The following ZNF804A variants were observed in gnomAD, a reference collection of about 807,000 sequenced individuals.
ZNF804A encodes the protein zinc finger protein 804A.
ZNF804A carries 2 observed loss-of-function variants against 16.5 expected under a neutral mutation model. The observed-to-expected ratio is 0.12, with a 90% CI of 0.05 to 0.38. ZNF804A has a LOEUF of 0.38. ZNF804A is among the 10% of genes least tolerant of loss of function. The probability of loss-of-function intolerance (pLI) is 0.99; values close to 1 mark genes in which losing one functional copy is unlikely to be tolerated. For missense variants in ZNF804A, 1,473 were observed against 1,390.7 expected (o/e 1.06, Z -0.94); for synonymous variants, 534 against 489.6 (o/e 1.09, Z -1.20).
chr2:184,656,856 A>G (rs1037596999), intron 1 of ZNF804A, among the ~76,000 whole-genome samples: 4 of 152,046 alleles, frequency 2.6e-5, no homozygotes, highest in African/African-American at 9.7e-5. Flanking sequence ...GAGCAGGGCC[A>G]TTAAGTTTAT....
At chr2:184,897,295 T>C (rs1212426226) in intron 2 of ZNF804A, among the ~76,000 whole-genome samples, 1 of 152,116 alleles carries the variant, frequency 6.6e-6, no homozygotes, top group Non-Finnish European at 1.5e-5. Context: ...CTGGACAAAG[T>C]AGTGTGTCAG....
chr2:184,768,084 C>T (rs973042747), intron 1 of ZNF804A, among the ~76,000 whole-genome samples: 7 of 151,792 alleles, frequency 4.6e-5, no homozygotes, highest in African/African-American at 1.7e-4. Context: ...TCAACCAACC[C>T]GGATCAAAAT....
At chr2:184,640,432 T>A (rs1210060290) in intron 1 of ZNF804A, among the ~76,000 whole-genome samples, 11 of 152,096 alleles carry the variant, frequency 7.2e-5, no homozygotes, top group Non-Finnish European at 1.3e-4. Context: ...AAACAAATAG[T>A]ACCAATCAAT....
intron 1 of ZNF804A, among the ~76,000 whole-genome samples, chr2:184,854,923 C>A (rs1695663600): frequency 6.6e-6 from 1 of 151,796 alleles, no homozygotes; most frequent in African/African-American, 2.4e-5. Flanking sequence ...ATGGTTGCAG[C>A]AATTTAAGAA....
intron 1 of ZNF804A, among the ~76,000 whole-genome samples, chr2:184,776,656 G>T (rs80084080): frequency 0.036 from 5,485 of 151,530 alleles, 315 homozygotes; most frequent in African/African-American, 0.12. Flanking sequence ...AATGTAATTA[G>T]TTCGCTTTTT....
At chr2:184,846,388 A>G (rs1292649572) in intron 1 of ZNF804A, among the ~76,000 whole-genome samples, 1 of 152,142 alleles carries the variant, frequency 6.6e-6, no homozygotes, top group Non-Finnish European at 1.5e-5. Context: ...CAATGCCTAT[A>G]CATATAAGAG....
chr2:184,770,232 T>C (rs183700671), intron 1 of ZNF804A, among the ~76,000 whole-genome samples: 2 of 152,028 alleles, frequency 1.3e-5, no homozygotes, highest in Admixed American at 6.6e-5. Flanking sequence ...TGTGTGTGAG[T>C]TTTGGTGCTC....
intron 1 of ZNF804A, among the ~76,000 whole-genome samples, chr2:184,700,028 C>T (rs748562610): frequency 6.6e-6 from 1 of 152,000 alleles, no homozygotes; most frequent in Admixed American, 6.6e-5. Flanking sequence ...CTTATTTATA[C>T]CACTAATGTG....
intron 2 of ZNF804A, among the ~76,000 whole-genome samples, chr2:184,908,391 C>A (rs1024948942): frequency 6.6e-5 from 10 of 152,028 alleles, no homozygotes; most frequent in Non-Finnish European, 2.9e-5. Flanking sequence ...TTATAAGGAC[C>A]CTTTGATTGA....
At chr2:184,912,250 T>C (rs1392287722) in intron 2 of ZNF804A, among the ~76,000 whole-genome samples, 1 of 152,102 alleles carries the variant, frequency 6.6e-6, no homozygotes, top group East Asian at 1.9e-4. Flanking sequence ...ATACAGTATA[T>C]GACCTTTTGT....
chr2:184,866,583 T>C, intron 2 of ZNF804A, 71 bp downstream of exon 2: 1 of 1,271,152 alleles, frequency 7.9e-7, no homozygotes, highest in African/African-American at 1.6e-5. Context: ...GTAGACTCTA[T>C]GAATATGATA....
chr2:184,879,336 T>G (rs889738497), intron 2 of ZNF804A, among the ~76,000 whole-genome samples: 1 of 152,048 alleles, frequency 6.6e-6, no homozygotes, highest in African/African-American at 2.4e-5. Context: ...TTTATTATGG[T>G]CACACTGTAG....
At chr2:184,896,696 G>A (rs6760373) in intron 2 of ZNF804A, among the ~76,000 whole-genome samples, 9,401 of 152,030 alleles carry the variant, frequency 0.062, 994 homozygotes, top group African/African-American at 0.21. Flanking sequence ...TTCTTTACAA[G>A]CAGTATATTT....
chr2:184,820,673 A>C (rs1276997518), intron 1 of ZNF804A, among the ~76,000 whole-genome samples: 1 of 151,922 alleles, frequency 6.6e-6, no homozygotes, highest in African/African-American at 2.4e-5. Context: ...AAATCCCATC[A>C]TTTCAGCCCA....
Position 184,831,244 on chromosome 2 carries a change from C to T in ZNF804A, c.112-35125C>T, listed in dbSNP as rs555101952. On this transcript the variant is annotated intron_variant, in intron 1 of 3. Coordinates refer to ENST00000302277, the MANE Select transcript of ZNF804A (RefSeq NM_194250.2). Reference sequence around the variant, plus strand: ...TGGTTGGTGTTAGTGTTAATGATGCCTCATCTTTGGATTTTGAAAATTAAT... The same window carrying T: ...TGGTTGGTGTTAGTGTTAATGATGCTTCATCTTTGGATTTTGAAAATTAAT... Among the ~76,000 whole-genome samples the T allele has an allele frequency of 6.6e-5, 10 of 151,930 alleles. No homozygotes were observed. In the East Asian group the frequency reaches 1.2e-3, roughly 18 times the overall value.
intron 1 of ZNF804A, among the ~76,000 whole-genome samples, chr2:184,741,400 T>C (rs1467273015): frequency 2.0e-5 from 3 of 152,186 alleles, no homozygotes; most frequent in African/African-American, 7.2e-5. Flanking sequence ...ACTTGAGGCT[T>C]GATATCCATC....
chr2:184,654,922 G>A (rs2105702700), intron 1 of ZNF804A, among the ~76,000 whole-genome samples: 1 of 152,218 alleles, frequency 6.6e-6, no homozygotes, highest in East Asian at 1.9e-4. Context: ...GATGTACCTT[G>A]CCTATTTCAT....
At chr2:184,639,324 T>C (rs886424323) in intron 1 of ZNF804A, among the ~76,000 whole-genome samples, 6 of 151,936 alleles carry the variant, frequency 3.9e-5, no homozygotes, top group Non-Finnish European at 8.8e-5. Context: ...TCCACCCGCC[T>C]CGGCCTCCCA....
rs369124998 is a variant in ZNF804A, at chr2:184,799,404, G to GT, written c.112-66958dup. 2.1e-3 allele frequency among the ~76,000 whole-genome samples: 326 copies of GT among 152,130 alleles called. 1 individual carries two copies. The highest frequency in any genetic ancestry group is 6.8e-3 in the Middle Eastern group (2 of 294). On this transcript the variant is annotated intron_variant, in intron 1 of 3. Coordinates refer to ENST00000302277, the MANE Select transcript of ZNF804A (RefSeq NM_194250.2). The stretch of plus-strand genomic sequence containing the variant: ...TATATATTGTATTCTATGTTTTGAA[G>GT]TTTTTTTGCATTATGTACCTGAAAT...
Sources: gnomAD v4.1 joint callset for allele counts (sites outside exome capture counted in the v4.1 genomes callset) on GRCh38, gnomAD v4.1.1 for gene constraint, MANE v1.5 for transcripts, NCBI Gene and HGNC (gene_info 2026-07-23, HGNC 2026-07-21) for gene names.